PCID2: variants seen among roughly 807,000 people sequenced by gnomAD.
The protein encoded by PCID2 is PCI domain containing 2.
PCID2 carries 41 observed loss-of-function variants against 61.3 expected under a neutral mutation model. The observed-to-expected ratio is 0.67, with a 90% confidence interval of 0.52 to 0.87. PCID2 has a LOEUF of 0.87. Among genes scored for constraint, PCID2 ranks in the 40% least tolerant of loss-of-function variants. The probability of loss-of-function intolerance (pLI) is 0.00; values close to 1 mark genes in which losing one functional copy is unlikely to be tolerated. For synonymous variants in PCID2, 187 were observed against 177.8 expected, an observed-to-expected ratio of 1.05 and a Z score of -0.41; for missense variants, 392 against 493.4, an observed-to-expected ratio of 0.79 and a Z score of 1.95.
chr13:113,198,628 A>G (rs7992683), intron 2 of PCID2, among the ~76,000 whole-genome samples: 2 of 152,110 alleles, frequency 1.3e-5, no homozygotes, highest in Admixed American at 6.5e-5. Context: ...TCGCTTGAAC[A>G]TGGGTGGGGG....
chr13:113,195,094 C>CAAGCGCTACTGCATA lies in PCID2; in HGVS notation c.325_339dup (p.Tyr109_Leu113dup). Reference sequence around the variant, plus strand: ...ACATTATTGGCAAACACTCGAAGGTCAAGCGCTACTGCATACATGACAGGC... The same window carrying CAAGCGCTACTGCATA: ...ACATTATTGGCAAACACTCGAAGGTCAAGCGCTACTGCATAAAGCGCTACTGCATACATGACAGGC... On this transcript the variant is annotated inframe_insertion, in exon 6 of 14. Transcript: ENST00000337344. 4 of 1,611,450 alleles carry CAAGCGCTACTGCATA rather than the reference C, an allele frequency of 2.5e-6. No homozygotes were observed. The South Asian group carries it at 3.3e-5, about 13-fold the overall frequency.
chr13:113,184,125 G>A (rs1182758714), intron 9 of PCID2: 1 of 583,572 alleles, frequency 1.7e-6, no homozygotes, highest in Non-Finnish European at 2.2e-6. Flanking sequence ...TGTCTGTAAT[G>A]CCTGTGAGAC....
In PCID2 at chr13:113,178,192, G is replaced by A. The variant is rs780668630; in HGVS notation, c.*6C>T. The A allele has an allele frequency of 3.1e-6, 5 of 1,608,926 alleles. No homozygotes were observed. The South Asian group carries it at 4.4e-5, about 14-fold the overall frequency. ...TGCTCACCCGTCCTCGGGGCTCCGTGTACTTTCAACACACCGTGGACAGGG... is the reference window on the plus strand; with the variant it reads ...TGCTCACCCGTCCTCGGGGCTCCGTATACTTTCAACACACCGTGGACAGGG... On this transcript the variant is annotated 3_prime_UTR_variant, in exon 14 of 14. Coordinates refer to ENST00000337344, the MANE Select transcript of PCID2 (RefSeq NM_001127202.4).
chr13:113,172,714 C>G (rs1046530744), downstream of PCID2, among the ~76,000 whole-genome samples: 8 of 152,214 alleles, frequency 5.3e-5, no homozygotes, highest in African/African-American at 1.9e-4. Flanking sequence ...GGGTTGTGCA[C>G]CCGCCCTTCT....
At chr13:113,186,391 G>C (rs1176650789) in intron 7 of PCID2, 5 of 152,400 alleles carry the variant, frequency 3.3e-5, no homozygotes, top group Middle Eastern at 3.4e-3. Flanking sequence ...GCCACTGTCT[G>C]CAATTAACCT....
chr13:113,181,335 C>T (rs765459225), intron 9 of PCID2, 105 bp from the exon 10 acceptor site: 161 of 659,454 alleles, frequency 2.4e-4, no homozygotes, highest in Non-Finnish European at 3.9e-4. Flanking sequence ...GGCAAAAGCC[C>T]CCTCCCTTTA....
rs759367376 is a variant in PCID2 at position 113,184,404 on chromosome 13, T to C, written c.627A>G (p.Arg209=). Residue 209 remains arginine, a synonymous_variant, in exon 9 of 14, where the codon AGA becomes AGG. Transcript: ENST00000337344. The part of the protein sequence containing the change: ...NLKDDYSTAQ[R]VTYKYYVGRK... ...GTCCAACGTAGTATTTGTATGTTAC[T>C]CTCTGTGCAGTGCTGTAATCGTCTT... 1.2e-6 allele frequency: 2 copies of C among 1,611,450 alleles called. No homozygotes were observed. Among genetic ancestry groups the C allele is most frequent in the African/African-American group, 2.7e-5 (2 of 75,034 alleles).
At chr13:113,185,939 C>A (rs2038070557) in intron 7 of PCID2, 1 of 169,594 alleles carries the variant, frequency 5.9e-6, no homozygotes, top group African/African-American at 2.4e-5. Context: ...TAATCCCAGC[C>A]ACTCAGGAGG....
At chr13:113,201,513 T>A (rs1297062042) in intron 1 of PCID2, among the ~76,000 whole-genome samples, 1 of 151,992 alleles carries the variant, frequency 6.6e-6, no homozygotes, top group Admixed American at 6.5e-5. Context: ...GCTTTTAAAT[T>A]ATATTTACAA....
rs139479335 is a variant in PCID2, at chr13:113,183,787, CA to C, written c.685+558del. 4.1e-3 allele frequency: 4,067 copies of C among 984,660 alleles called. 105 individuals carry two copies. The African/African-American group carries it at 0.059, about 14-fold the overall frequency. 61.0% of individuals were successfully genotyped at this position (984,660 alleles called of 1,614,324 possible). ...AGTTTCCTGTTCTTGAGAAAGTTAC[CA>C]ACGTAAACTAATACAATAGTGTCAG... On this transcript the variant is annotated intron_variant, in intron 9 of 13. Coordinates refer to ENST00000337344, the MANE Select transcript of PCID2 (RefSeq NM_001127202.4).
rs1446973978 is a variant in PCID2, at chr13:113,180,249, A to G, written c.787-18T>C. Reference sequence around the variant, plus strand: ...ATGTGACCCTAAGAGTCAATTTTCCAGAATGAAAATGCTTTCATTTTTGAC... The same window carrying G: ...ATGTGACCCTAAGAGTCAATTTTCCGGAATGAAAATGCTTTCATTTTTGAC... On this transcript the variant is annotated intron_variant, in intron 10 of 13. Transcript: ENST00000337344. The G allele has an allele frequency of 2.5e-6, 4 of 1,582,656 alleles. No individual in the cohort carries two copies. Among genetic ancestry groups the G allele is most frequent in the Admixed American group, 1.7e-5 (1 of 59,856 alleles).
At chr13:113,184,592 TATATC>T in intron 8 of PCID2, 105 bp from the exon 9 acceptor site, 1 of 678,328 alleles carries the variant, frequency 1.5e-6, no homozygotes, top group Non-Finnish European at 2.6e-6. Context: ...CAAAACCTAT[TATATC>T]ATAACAATTA....
chr13:113,200,652 G>T, intron 1 of PCID2, 136 bp from the exon 2 acceptor site: 12 of 506,790 alleles, frequency 2.4e-5, no homozygotes, highest in Non-Finnish European at 4.3e-5. Flanking sequence ...CAATCAAAAT[G>T]TAACAGATGG....
intron 1 of PCID2, among the ~76,000 whole-genome samples, chr13:113,203,864 T>C (rs1057450797): frequency 6.6e-6 from 1 of 152,216 alleles, no homozygotes; most frequent in African/African-American, 2.4e-5. Flanking sequence ...CACCCAGGTC[T>C]TGGTCTGCAA....
chr13:113,172,883 C>CTGA (rs2037140456), downstream of PCID2, among the ~76,000 whole-genome samples: 1 of 152,210 alleles, frequency 6.6e-6, no homozygotes. Context: ...CACCAATGGG[C>CTGA]TGATGGGCAG....
intron 3 of PCID2, among the ~76,000 whole-genome samples, chr13:113,197,719 G>A (rs1416455535): frequency 6.6e-6 from 1 of 152,188 alleles, no homozygotes; most frequent in Non-Finnish European, 1.5e-5. Flanking sequence ...CCCCACACTG[G>A]TCCTGTAGCC....
At chr13:113,202,347 T>C (rs1387820655) in intron 1 of PCID2, among the ~76,000 whole-genome samples, 1 of 152,210 alleles carries the variant, frequency 6.6e-6, no homozygotes, top group Non-Finnish European at 1.5e-5. Flanking sequence ...CCCCTGACTA[T>C]TCCATACAAC....
Position 113,208,460 on chromosome 13 carries a change from G to A in PCID2, c.36+139C>T. On this transcript the variant is annotated intron_variant, in intron 1 of 13. Coordinates refer to ENST00000337344, the MANE Select transcript of PCID2 (RefSeq NM_001127202.4). ...CCGGCCGCCGCTGTTCGGCTCGCGCGGCTGCCCGCCGGGGACCCGAACGGA... is the reference window on the plus strand; with the variant it reads ...CCGGCCGCCGCTGTTCGGCTCGCGCAGCTGCCCGCCGGGGACCCGAACGGA... The A allele has an allele frequency of 2.0e-6, 3 of 1,526,030 alleles. 1 individual carries two copies. The South Asian group carries it at 3.6e-5, about 18-fold the overall frequency. 94.5% of individuals were successfully genotyped at this position (1,526,030 alleles called of 1,614,324 possible).
At chr13:113,171,976 C>T in the PCID2 span, 2 of 1,613,396 alleles carry the variant, frequency 1.2e-6, no homozygotes, top group South Asian at 1.1e-5. The surrounding 1 kb of genome is among the most constrained non-coding windows in gnomAD (Gnocchi z 5.1). Context: ...GTGTGGTCAC[C>T]AGAGAACACA....
Sources: allele counts gnomAD v4.1 joint callset (sites outside exome capture counted in the v4.1 genomes callset), GRCh38; gene constraint gnomAD v4.1.1; non-coding constraint Gnocchi (gnomAD v3.1); transcripts MANE v1.5; gene names NCBI Gene and HGNC (gene_info 2026-07-23, HGNC 2026-07-21).